COL13A1: variants seen among roughly 807,000 people sequenced by gnomAD.
COL13A1 encodes the protein collagen type XIII alpha 1 chain, also known as collagen alpha-1(XIII) chain.
Under a neutral mutation model 130.9 loss-of-function variants are expected in COL13A1, and 89 were observed. The observed-to-expected ratio is 0.68, with a 90% CI of 0.57 to 0.81. The LOEUF (loss-of-function observed/expected upper bound fraction) is 0.81. Ranked by LOEUF, COL13A1 falls within the 30% of genes least tolerant of loss-of-function variation. The pLI, the probability that COL13A1 is intolerant of heterozygous loss-of-function variation, is 0.00. For missense variants in COL13A1, 879 were observed against 934.6 expected (o/e 0.94, Z 0.78); for synonymous variants, 402 against 341.6 (o/e 1.18, Z -1.95).
chr10:69,927,162 G>A (rs2065479939), intron 27 of COL13A1, 52 bp downstream of exon 27: 4 of 1,608,942 alleles, frequency 2.5e-6, no homozygotes, highest in Non-Finnish European at 3.4e-6. Flanking sequence ...GGGGGCTGGG[G>A]ATGGCAGCCT....
In COL13A1 at chr10:69,944,117, C is replaced by T. The variant is rs758378222; in HGVS notation, c.1915-8C>T. The T allele has an allele frequency of 6.2e-6, 10 of 1,613,248 alleles. No homozygotes were observed. Among genetic ancestry groups the T allele is most frequent in the Admixed American group, 1.7e-5 (1 of 59,994 alleles). Reference sequence around the variant, plus strand: ...GACCCTCACCTCTGCTTTCTTTCCCCTTCCCAGGGTACTCCAGGACCAATT... The same window carrying T: ...GACCCTCACCTCTGCTTTCTTTCCCTTTCCCAGGGTACTCCAGGACCAATT... On this transcript the variant is annotated splice_polypyrimidine_tract_variant and splice_region_variant and intron_variant, in intron 35 of 40. Transcript: ENST00000645393.
chr10:69,880,552 CT>C lies in COL13A1; in HGVS notation c.513del (p.Gly172ValfsTer32), dbSNP rs1564932829. ...TCCATCATTGGTCCCCGCGGCCCCC[CT>C]GTAAGTTGTTTTTGCTCTTCCTCGG... ...GLSIIGPRGP[P>X]GQPGTRGFPG... On this transcript the variant is annotated frameshift_variant and splice_region_variant, in exon 7 of 41. Transcript: ENST00000645393. LOFTEE classifies it high-confidence loss of function. 12 of 1,613,318 alleles carry C rather than the reference CT, an allele frequency of 7.4e-6. No homozygotes were observed. The highest frequency in any genetic ancestry group is 1.0e-5 in the Non-Finnish European group (12 of 1,179,744).
At chr10:69,807,227 C>T (rs1172903887) in intron 1 of COL13A1, among the ~76,000 whole-genome samples, 2 of 152,138 alleles carry the variant, frequency 1.3e-5, no homozygotes, top group Non-Finnish European at 1.5e-5. Context: ...TCTTTCAATC[C>T]TCACAACTTC....
At chr10:69,897,598 C>A in intron 13 of COL13A1, 1 of 1,549,792 alleles carries the variant, frequency 6.5e-7, no homozygotes, top group Non-Finnish European at 8.9e-7. Flanking sequence ...TACAGCCCAA[C>A]ATTGCACATC....
intron 36 of COL13A1, among the ~76,000 whole-genome samples, chr10:69,944,502 T>G (rs1299393667): frequency 6.6e-6 from 1 of 151,944 alleles, no homozygotes; most frequent in Non-Finnish European, 1.5e-5. Context: ...CAAAAAATTT[T>G]TTTAAAATTA....
chr10:69,838,284 T>C (rs1461613444), intron 2 of COL13A1, among the ~76,000 whole-genome samples: 1 of 152,188 alleles, frequency 6.6e-6, no homozygotes, highest in Non-Finnish European at 1.5e-5. Flanking sequence ...AAGGGGTTCT[T>C]CTAGGGTCAC....
intron 2 of COL13A1, among the ~76,000 whole-genome samples, chr10:69,861,037 T>C (rs1218215896): frequency 6.6e-6 from 1 of 152,146 alleles, no homozygotes; most frequent in Non-Finnish European, 1.5e-5. Flanking sequence ...GAAAGTCTGC[T>C]ACTTAGGCAC....
In COL13A1 at chr10:69,878,799, G is replaced by C. The variant is rs1471094352; in HGVS notation, c.462+734G>C. Among the ~76,000 whole-genome samples, 3 of 152,236 alleles carry C rather than the reference G, an allele frequency of 2.0e-5. No homozygotes were observed. The East Asian group carries it at 5.8e-4, about 29-fold the overall frequency. ...CCTGGCCAAGCACAACACTTCTAAA[G>C]AGTTCACTCTGCAGGTGAGGAAACT... On this transcript the variant is annotated intron_variant, in intron 6 of 40. Coordinates refer to ENST00000645393, the MANE Select transcript of COL13A1 (RefSeq NM_001368882.1).
intron 24 of COL13A1, 99 bp downstream of exon 24, chr10:69,923,954 G>A (rs1254867788): frequency 2.0e-6 from 3 of 1,482,794 alleles, no homozygotes; most frequent in South Asian, 1.2e-5. Flanking sequence ...CAGGGCACAA[G>A]GCTGACCGGC....
In COL13A1 at chr10:69,872,215, G is replaced by A; in HGVS notation, c.399+5G>A. 6.2e-7 allele frequency: 1 copy of A among 1,614,034 alleles called. No individual in the cohort carries two copies. Among genetic ancestry groups the A allele is most frequent in the Non-Finnish European group, 8.5e-7 (1 of 1,179,886 alleles). ...ACTGGAAGACCCGGACTCCCAGTAAGTCACTTTTGTTTCTTCTTTCCTTTG... is the reference window on the plus strand; with the variant it reads ...ACTGGAAGACCCGGACTCCCAGTAAATCACTTTTGTTTCTTCTTTCCTTTG... On this transcript the variant is annotated splice_donor_5th_base_variant and intron_variant, in intron 4 of 40. Transcript: ENST00000645393.
intron 2 of COL13A1, among the ~76,000 whole-genome samples, chr10:69,866,225 C>T (rs1027072013): frequency 5.3e-5 from 8 of 152,238 alleles, no homozygotes; most frequent in Non-Finnish European, 1.2e-4. Flanking sequence ...GTGCTAACAA[C>T]AGGCCGGGCT....
rs1376248880 is a variant in COL13A1 at position 69,921,887 on chromosome 10, G to A, written c.1095G>A (p.Glu365=). 6.8e-6 allele frequency: 11 copies of A among 1,606,088 alleles called. No individual in the cohort carries two copies. In the Admixed American group the frequency reaches 1.9e-4, roughly 27 times the overall value. The change falls in exon 22 of 41, where the codon GAG becomes GAA. Residue 365 remains glutamate, a synonymous_variant. Coordinates refer to ENST00000645393, the MANE Select transcript of COL13A1 (RefSeq NM_001368882.1). ...GLLGKRGQRG[E]KGAEGSPGLP... is the part of the protein sequence containing the mutation. ...CTGTCTGCATCTCCCTGCAGGGTGA[G>A]AAGGGGGCTGAAGGCTCCCCTGGGC...
chr10:69,922,739 G>A lies in COL13A1; in HGVS notation c.1175G>A (p.Gly392Glu), dbSNP rs2064845447. 1 of 1,606,802 alleles carries A rather than the reference G, an allele frequency of 6.2e-7. No individual in the cohort carries two copies. The highest frequency in any genetic ancestry group is 1.3e-5 in the African/African-American group (1 of 74,926). Reference sequence around the variant, plus strand: ...AAAGGCGATGCTGGCAACTCCATTGGAGGAGGCAGAGGGGAACCTGGCCCT... The same window carrying A: ...AAAGGCGATGCTGGCAACTCCATTGAAGGAGGCAGAGGGGAACCTGGCCCT... ...GEKGDAGNSI[G>E]GGRGEPGPPG... Residue 392 changes from glycine to glutamate, a missense_variant, in exon 23 of 41, where the codon GGA becomes GAA. Physicochemically the swap from Gly to Glu is moderately conservative, Grantham distance 98 (BLOSUM62 -2). Around this residue, in one of 3 missense-constraint regions of COL13A1, gnomAD observed 715 missense variants for 721.0 expected, o/e 0.99. Coordinates refer to ENST00000645393, the MANE Select transcript of COL13A1 (RefSeq NM_001368882.1).
chr10:69,869,699 A>T (rs192292542), intron 3 of COL13A1, among the ~76,000 whole-genome samples: 1 of 152,338 alleles, frequency 6.6e-6, no homozygotes, highest in East Asian at 1.9e-4. Context: ...GCTTTTTAAC[A>T]TAATGCATTA....
chr10:69,820,115 C>A (rs942495701), intron 1 of COL13A1, among the ~76,000 whole-genome samples: 34 of 152,288 alleles, frequency 2.2e-4, no homozygotes, highest in Non-Finnish European at 3.8e-4. Flanking sequence ...TATAAAAAAA[C>A]CACCTTCCAT....
chr10:69,858,393 G>C (rs1857053867), intron 2 of COL13A1, among the ~76,000 whole-genome samples: 1 of 152,174 alleles, frequency 6.6e-6, no homozygotes, highest in South Asian at 2.1e-4. Context: ...AGGATACTGG[G>C]CTCAGAGAGG....
intron 2 of COL13A1, 81 bp from the exon 3 acceptor site, chr10:69,867,717 T>C (rs775946828): frequency 4.1e-5 from 29 of 714,344 alleles, no homozygotes; most frequent in Non-Finnish European, 6.8e-5. Context: ...GATGAATCCT[T>C]GGACACTGCT....
chr10:69,958,411 G>A (rs2071212103), intron 40 of COL13A1, among the ~76,000 whole-genome samples: 1 of 152,168 alleles, frequency 6.6e-6, no homozygotes, highest in Non-Finnish European at 1.5e-5. Flanking sequence ...AGTCCAATCT[G>A]GGACAATGCA....
At chr10:69,957,402 G>A (rs900860226) in intron 40 of COL13A1, among the ~76,000 whole-genome samples, 3 of 152,144 alleles carry the variant, frequency 2.0e-5, no homozygotes, top group Admixed American at 1.3e-4. Flanking sequence ...GTGATGACAT[G>A]TCTTAGACGT....
Sources: gnomAD v4.1 joint callset for allele counts (sites outside exome capture counted in the v4.1 genomes callset) on GRCh38, gnomAD v4.1.1 for gene constraint, gnomAD v4.1.1 regional missense constraint, MANE v1.5 for transcripts, NCBI Gene and HGNC (gene_info 2026-07-23, HGNC 2026-07-21) for gene names.